NEBL: variants seen among roughly 807,000 people sequenced by gnomAD.
The protein encoded by NEBL is LIM and SH3 protein 2.
NEBL carries 122 observed loss-of-function variants against 140.2 expected under a neutral mutation model. That is an observed-to-expected ratio of 0.87 (90% confidence interval 0.75 to 1.01). The LOEUF (loss-of-function observed/expected upper bound fraction) is 1.01. Among genes scored for constraint, NEBL ranks in the 50% least tolerant of loss-of-function variants. NEBL has a pLI of 0.00. For synonymous variants in NEBL, 436 were observed against 398.9 expected (o/e 1.09, Z -1.11); for missense variants, 1,365 against 1,231.3 (o/e 1.11, Z -1.62).
intron 25 of NEBL, 32 bp downstream of exon 25, chr10:20,809,774 A>C (rs776044838): frequency 1.4e-6 from 2 of 1,477,668 alleles, no homozygotes; most frequent in Non-Finnish European, 1.9e-6. Context: ...ACAAAACCAC[A>C]TAAATGGGAT....
rs182264910 is a variant in NEBL, at chr10:21,151,969, C to G, written c.164+20414G>C. Among the ~76,000 whole-genome samples the G allele has an allele frequency of 4.7e-3, 717 of 152,346 alleles. 3 individuals carry two copies. Among genetic ancestry groups the G allele is most frequent in the African/African-American group, 0.017 (697 of 41,576 alleles). On this transcript the variant is annotated intron_variant, in intron 2 of 6. Coordinates refer to the NEBL transcript ENST00000417816. ...GCTCCACGAGGGCAGGAATTTTCCTCTACTTTGCTCACTGCCACATTCCAA... is the reference window on the plus strand; with the variant it reads ...GCTCCACGAGGGCAGGAATTTTCCTGTACTTTGCTCACTGCCACATTCCAA...
intron 21 of NEBL, among the ~76,000 whole-genome samples, chr10:20,816,782 G>A (rs1838756837): frequency 6.6e-6 from 1 of 152,140 alleles, no homozygotes; most frequent in African/African-American, 2.4e-5. Flanking sequence ...ACAAGTTGGT[G>A]TCTAGGTAAA....
intron 3 of NEBL, among the ~76,000 whole-genome samples, chr10:21,189,609 C>T (rs1414002694): frequency 5.9e-5 from 9 of 152,108 alleles, no homozygotes; most frequent in South Asian, 2.1e-4. Flanking sequence ...GGACTACAGG[C>T]GCCCGCCACC....
chr10:21,083,463 CTGAAA>C (rs763936161), intron 2 of NEBL, among the ~76,000 whole-genome samples: 2 of 152,178 alleles, frequency 1.3e-5, no homozygotes, highest in Non-Finnish European at 2.9e-5. Flanking sequence ...TGAGTTCTTT[CTGAAA>C]TATTTTTGCA....
chr10:20,794,313 T>C (rs1160632690), intron 26 of NEBL, among the ~76,000 whole-genome samples: 3 of 150,160 alleles, frequency 2.0e-5, no homozygotes, highest in East Asian at 2.0e-4. Flanking sequence ...AATTCTCCTC[T>C]TCTAGACTCT....
chr10:20,978,089 T>C (rs1310606057), intron 3 of NEBL, among the ~76,000 whole-genome samples: 2 of 152,204 alleles, frequency 1.3e-5, no homozygotes, highest in Non-Finnish European at 2.9e-5. Context: ...CAGGAAATAC[T>C]GCAGAAGAAA....
At chr10:20,925,486 C>G (rs1833862751) in intron 4 of NEBL, among the ~76,000 whole-genome samples, 1 of 151,846 alleles carries the variant, frequency 6.6e-6, no homozygotes, top group Admixed American at 6.6e-5. Flanking sequence ...CTACTCTGTC[C>G]TTTTTCCCAA....
chr10:20,835,389 C>G (rs528021790), intron 14 of NEBL, 124 bp downstream of exon 14: 1 of 814,672 alleles, frequency 1.2e-6, no homozygotes, highest in African/African-American at 1.7e-5. Context: ...GGAATAGTCT[C>G]CATTCCAAAC....
Position 20,784,423 on chromosome 10 carries a change from G to A in NEBL, c.*1324C>T, listed in dbSNP as rs1310231411. On this transcript the variant is annotated 3_prime_UTR_variant, in exon 28 of 28. Coordinates refer to ENST00000377122, the MANE Select transcript of NEBL (RefSeq NM_006393.3). ...GCAACAATTTCTTTCTTAGAGAACA[G>A]GCTCTTGGGCCTGTACTAAAAAATC... The A allele has an allele frequency of 6.6e-6, 1 of 152,132 alleles. No homozygotes were observed. Among genetic ancestry groups the A allele is most frequent in the Non-Finnish European group, 1.5e-5 (1 of 68,028 alleles). 9.4% of individuals were successfully genotyped at this position (152,132 alleles called of 1,614,324 possible).
intron 3 of NEBL, among the ~76,000 whole-genome samples, chr10:20,982,960 C>T (rs751695344): frequency 2.0e-5 from 3 of 152,102 alleles, no homozygotes; most frequent in Non-Finnish European, 4.4e-5. Flanking sequence ...AATGTTTTAT[C>T]TACAATCTAA....
Position 20,804,735 on chromosome 10 carries a change from T to C in NEBL, c.2761+3775A>G, listed in dbSNP as rs143957419. 5.5e-3 allele frequency among the ~76,000 whole-genome samples: 834 copies of C among 152,236 alleles called. 27 individuals are homozygous for C. Among genetic ancestry groups the C allele is most frequent in the East Asian group, 3.7e-3 (19 of 5,166 alleles). ...ACCAGAAATGGTGAGAGTGGACAGATATACTTGGAATGGCAGAAAATTAGT... is the reference window on the plus strand; with the variant it reads ...ACCAGAAATGGTGAGAGTGGACAGACATACTTGGAATGGCAGAAAATTAGT... On this transcript the variant is annotated intron_variant, in intron 26 of 27. Transcript: ENST00000377122.
chr10:20,969,469 TAA>T (rs60300897), intron 3 of NEBL, among the ~76,000 whole-genome samples: 34 of 139,864 alleles, frequency 2.4e-4, no homozygotes, highest in African/African-American at 7.4e-4. Flanking sequence ...TTCTTTTACT[TAA>T]AAAAAAAAAA....
At position 21,267,710 on chromosome 10, in the gene NEBL, C is replaced by A. The variant is rs918166375; in HGVS notation, n.183-15882G>T. ...AAAACTGCATGGTCCAATATGGCAA[C>A]CATCAGCCACATAATGCTATTTCAA... On this transcript the variant is annotated intron_variant and non_coding_transcript_variant, in intron 1 of 8. Coordinates refer to the NEBL transcript ENST00000675702. 6.6e-5 allele frequency among the ~76,000 whole-genome samples: 10 copies of A among 152,222 alleles called. No individual in the cohort carries two copies. The South Asian group carries it at 2.1e-3, about 32-fold the overall frequency.
intron 2 of NEBL, among the ~76,000 whole-genome samples, chr10:21,107,455 T>C (rs1837772800): frequency 6.6e-6 from 1 of 152,234 alleles, no homozygotes; most frequent in South Asian, 2.1e-4. Context: ...GTTCTGTTTA[T>C]GTGGTGGATT....
intron 21 of NEBL, 107 bp from the exon 22 acceptor site, chr10:20,815,824 A>G (rs947115071): frequency 1.2e-6 from 1 of 812,416 alleles, no homozygotes; most frequent in South Asian, 1.4e-5. Context: ...GCTGAAGTGC[A>G]GTGGTACAAT....
At chr10:20,956,199 G>A (rs374718322) in intron 4 of NEBL, among the ~76,000 whole-genome samples, 7 of 152,146 alleles carry the variant, frequency 4.6e-5, no homozygotes, top group East Asian at 3.8e-4. Context: ...GTAATTTTCC[G>A]TACATTTCTC....
upstream of NEBL, among the ~76,000 whole-genome samples, chr10:21,177,259 A>T (rs191111293): frequency 8.1e-4 from 124 of 152,338 alleles, 1 homozygote; most frequent in South Asian, 7.3e-3. Context: ...TGAAAAGATC[A>T]TACTGCAGGG....
rs1011188357 is a variant in NEBL at position 21,167,711 on chromosome 10, C to A, written c.164+4672G>T. On this transcript the variant is annotated intron_variant, in intron 2 of 6. Transcript: ENST00000417816. Reference sequence around the variant, plus strand: ...CTTAGGGTTTATACTCATTGTGTGGCTTGCTGGGTAGCAAAATGTTTATAG... The same window carrying A: ...CTTAGGGTTTATACTCATTGTGTGGATTGCTGGGTAGCAAAATGTTTATAG... Among the ~76,000 whole-genome samples, 6 of 152,196 alleles carry A rather than the reference C, an allele frequency of 3.9e-5. No individual in the cohort carries two copies. In the East Asian group the frequency reaches 1.2e-3, roughly 29 times the overall value.
In NEBL at chr10:20,793,854, C is replaced by G. The variant is rs1588612613; in HGVS notation, c.2762-6546G>C. On this transcript the variant is annotated intron_variant, in intron 26 of 27. Transcript: ENST00000377122. ...TACAGGAGTGAGCCACTGTGTCTGGCTGGTGTCTTGTTTTTTCAAATGAGC... is the reference window on the plus strand; with the variant it reads ...TACAGGAGTGAGCCACTGTGTCTGGGTGGTGTCTTGTTTTTTCAAATGAGC... 5.9e-5 allele frequency among the ~76,000 whole-genome samples: 9 copies of G among 152,340 alleles called. No individual in the cohort carries two copies. The South Asian group carries it at 1.9e-3, about 32-fold the overall frequency.
Sources: allele counts gnomAD v4.1 joint callset (sites outside exome capture counted in the v4.1 genomes callset), GRCh38; gene constraint gnomAD v4.1.1; transcripts MANE v1.5; gene names NCBI Gene and HGNC (gene_info 2026-07-23, HGNC 2026-07-21).